Variants in CNTN5 observed in about 807,000 individuals in gnomAD.
CNTN5 encodes contactin 5.
In CNTN5, 77 loss-of-function variants were observed where a neutral mutation model predicts 129.1. The ratio of observed to expected loss-of-function variants is 0.60; its 90% CI spans 0.50 to 0.72. The LOEUF (loss-of-function observed/expected upper bound fraction) is 0.72. Ranked by LOEUF, CNTN5 falls within the 30% of genes least tolerant of loss-of-function variation. The pLI is 0.00. For synonymous variants in CNTN5, 509 were observed against 465.6 expected, an observed-to-expected ratio of 1.09 and a Z score of -1.20; for missense variants, 1,478 against 1,328.8, an observed-to-expected ratio of 1.11 and a Z score of -1.75.
At chr11:100,297,575 G>A (rs746170818) in intron 18 of CNTN5, 50 bp from the exon 19 acceptor site, 22 of 1,252,486 alleles carry the variant, frequency 1.8e-5, no homozygotes, top group African/African-American at 1.2e-4. Flanking sequence ...TTTATCCAAC[G>A]TAGGTTGGGA....
At chr11:100,126,852 A>C (rs1285467228) in intron 13 of CNTN5, among the ~76,000 whole-genome samples, 1 of 151,960 alleles carries the variant, frequency 6.6e-6, no homozygotes, top group Non-Finnish European at 1.5e-5. Flanking sequence ...TGTAGTTTCT[A>C]TTCTATGGTT....
intron 1 of CNTN5, among the ~76,000 whole-genome samples, chr11:99,277,598 C>A (rs901453353): frequency 5.3e-5 from 8 of 151,578 alleles, no homozygotes; most frequent in Non-Finnish European, 8.9e-5. Context: ...AGACGTGTTT[C>A]TTTTTTTATC....
chr11:99,107,019 T>A (rs1327599505), intron 1 of CNTN5, among the ~76,000 whole-genome samples: 1 of 152,096 alleles, frequency 6.6e-6, no homozygotes, highest in Admixed American at 6.5e-5. Flanking sequence ...AGAACAAAAA[T>A]GTCACCTTTG....
At position 99,551,177 on chromosome 11, in the gene CNTN5, C is replaced by A. The variant is rs186634214; in HGVS notation, c.-70-4968C>A. Among the ~76,000 whole-genome samples, 93 of 152,236 alleles carry A rather than the reference C, an allele frequency of 6.1e-4. No homozygotes were observed. In the East Asian group the frequency reaches 0.015, roughly 24 times the overall value. The stretch of plus-strand genomic sequence containing the variant: ...CCTGTGATGCTGAGTTAAAAGAAAT[C>A]ATTTTTTCCACCAGAATCTTTATAA... On this transcript the variant is annotated intron_variant, in intron 2 of 24. Coordinates refer to ENST00000524871, the MANE Select transcript of CNTN5 (RefSeq NM_014361.4).
chr11:99,411,206 A>G (rs1162833954), intron 2 of CNTN5, among the ~76,000 whole-genome samples: 2 of 152,094 alleles, frequency 1.3e-5, no homozygotes, highest in Non-Finnish European at 2.9e-5. Flanking sequence ...TATAATTACA[A>G]TTTTTCAGTT....
chr11:99,442,211 T>C (rs753429910), intron 2 of CNTN5, among the ~76,000 whole-genome samples: 4 of 152,144 alleles, frequency 2.6e-5, no homozygotes, highest in Non-Finnish European at 5.9e-5. Context: ...CTTGCTCTCT[T>C]GCCCAGGCTG....
chr11:99,171,692 G>GA (rs1028930626), intron 1 of CNTN5, among the ~76,000 whole-genome samples: 4 of 152,064 alleles, frequency 2.6e-5, no homozygotes, highest in African/African-American at 9.7e-5. Flanking sequence ...ATGCATTTAA[G>GA]AAAAAAACTC....
At chr11:99,242,029 C>A (rs1861585941) in intron 1 of CNTN5, among the ~76,000 whole-genome samples, 1 of 151,910 alleles carries the variant, frequency 6.6e-6, no homozygotes, top group South Asian at 2.1e-4. Flanking sequence ...TAGTAAACCA[C>A]AAAAAATTTA....
chr11:99,427,569 A>G (rs1249589184), intron 2 of CNTN5, among the ~76,000 whole-genome samples: 2 of 151,980 alleles, frequency 1.3e-5, no homozygotes, highest in African/African-American at 2.4e-5. Flanking sequence ...GATTGAGACC[A>G]TCTTGGCTAA....
At chr11:100,234,089 A>G (rs987634626) in intron 16 of CNTN5, among the ~76,000 whole-genome samples, 16 of 152,332 alleles carry the variant, frequency 1.1e-4, no homozygotes, top group Admixed American at 5.2e-4. Context: ...CAAAACCACA[A>G]TGAGATACCA....
chr11:99,917,795 G>A (rs1591417532), intron 7 of CNTN5, among the ~76,000 whole-genome samples: 1 of 152,112 alleles, frequency 6.6e-6, no homozygotes, highest in East Asian at 1.9e-4. Flanking sequence ...TCTGGTGGGA[G>A]AATATAGTAC....
chr11:99,309,607 C>T (rs1865021050), intron 1 of CNTN5, among the ~76,000 whole-genome samples: 3 of 152,204 alleles, frequency 2.0e-5, no homozygotes, highest in South Asian at 4.1e-4. Flanking sequence ...TGCTTATCCA[C>T]ATTCCGTCTT....
At chr11:99,034,397 C>G (rs955005864) in intron 1 of CNTN5, among the ~76,000 whole-genome samples, 1 of 151,604 alleles carries the variant, frequency 6.6e-6, no homozygotes, top group African/African-American at 2.4e-5. Context: ...TCCATCTGGT[C>G]CTGGACTCTT....
At chr11:100,018,107 C>T (rs1348502683) in intron 9 of CNTN5, among the ~76,000 whole-genome samples, 4 of 152,090 alleles carry the variant, frequency 2.6e-5, no homozygotes, top group African/African-American at 9.6e-5. Flanking sequence ...ATTAACTGTA[C>T]TGCTAAAGTA....
At chr11:100,219,967 T>A (rs570429946) in intron 15 of CNTN5, among the ~76,000 whole-genome samples, 5 of 152,124 alleles carry the variant, frequency 3.3e-5, no homozygotes, top group Non-Finnish European at 5.9e-5. Context: ...TATTTCCTTA[T>A]CATAGTAGGG....
chr11:99,845,775 GT>G (rs1294353488), intron 6 of CNTN5, among the ~76,000 whole-genome samples: 2 of 151,620 alleles, frequency 1.3e-5, no homozygotes, highest in Non-Finnish European at 2.9e-5. Context: ...AGTAGATAAA[GT>G]TTTAGAATTC....
At chr11:99,991,409 G>C (rs7108523) in intron 8 of CNTN5, among the ~76,000 whole-genome samples, 61,963 of 151,836 alleles carry the variant, frequency 0.41, 13,788 homozygotes, top group African/African-American at 0.59. Context: ...AGAGCTTGCA[G>C]TGAGCCGAGA....
At chr11:99,083,696 A>G (rs887020573) in intron 1 of CNTN5, among the ~76,000 whole-genome samples, 5 of 152,238 alleles carry the variant, frequency 3.3e-5, no homozygotes, top group African/African-American at 1.2e-4. Context: ...TAATTTCAAA[A>G]TATACAACAT....
chr11:100,324,826 C>A lies in CNTN5; in HGVS notation c.2731-15637C>A, dbSNP rs375088129. On this transcript the variant is annotated intron_variant, in intron 21 of 24. Coordinates refer to ENST00000524871, the MANE Select transcript of CNTN5 (RefSeq NM_014361.4). ...ACTTTCTCACCTCATATCATCTAAT[C>A]ACTGTTGAACTGCCTCATAAATATT... is the stretch of plus-strand genomic sequence containing the variant. 1.3e-4 allele frequency among the ~76,000 whole-genome samples: 20 copies of A among 152,280 alleles called. No homozygotes were observed. The South Asian group carries it at 1.4e-3, about 11-fold the overall frequency.
Sources: allele counts gnomAD v4.1 joint callset (sites outside exome capture counted in the v4.1 genomes callset), GRCh38; gene constraint gnomAD v4.1.1; transcripts MANE v1.5; gene names NCBI Gene and HGNC (gene_info 2026-07-23, HGNC 2026-07-21).